The following PMEL variants were observed in gnomAD, a reference collection of about 807,000 sequenced individuals.
PMEL encodes the protein melanocyte protein PMEL.
PMEL carries 53 observed loss-of-function variants against 64.9 expected under a neutral mutation model. That is an observed-to-expected ratio of 0.82 (90% CI 0.66 to 1.03). The LOEUF is 1.03. PMEL is among the 50% of genes least tolerant of loss of function. The pLI, the probability that PMEL is intolerant of heterozygous loss-of-function variation, is 0.00. For synonymous variants in PMEL, 299 were observed against 316.2 expected, an observed-to-expected ratio of 0.95 and a Z score of 0.58; for missense variants, 716 against 814.9, an observed-to-expected ratio of 0.88 and a Z score of 1.48.
intron 3 of PMEL, among the ~76,000 whole-genome samples, chr12:55,958,857 C>G (rs1455792302): frequency 6.6e-6 from 1 of 152,020 alleles, no homozygotes; most frequent in Admixed American, 6.5e-5. Flanking sequence ...TCACAGCTCA[C>G]TGGAGTGTCA....
rs754662000 is a variant in PMEL at position 55,959,445 on chromosome 12, G to GTA, written c.335-840_335-839dup. On this transcript the variant is annotated intron_variant, in intron 3 of 10. Coordinates refer to ENST00000548747, the MANE Select transcript of PMEL (RefSeq NM_001384361.1). ...AAAATAAAAGAAAAAGAAGATATATGTATATATATATAGCCACATATCAAA... is the reference window on the plus strand; with the variant it reads ...AAAATAAAAGAAAAAGAAGATATATGTATATATATATATAGCCACATATCAAA... Among the ~76,000 whole-genome samples, 170 of 150,798 alleles carry GTA rather than the reference G, an allele frequency of 1.1e-3. 3 individuals are homozygous for GTA. Among genetic ancestry groups the GTA allele is most frequent in the East Asian group, 8.5e-3 (44 of 5,152 alleles).
chr12:55,957,424 C>A lies in PMEL; in HGVS notation c.879G>T (p.Gln293His), dbSNP rs1360387673. The A allele has an allele frequency of 1.2e-6, 2 of 1,609,702 alleles. No individual in the cohort carries two copies. Among genetic ancestry groups the A allele is most frequent in the African/African-American group, 2.7e-5 (2 of 74,928 alleles). Residue 293 changes from glutamine to histidine, a missense_variant, in exon 6 of 11, where the codon CAG becomes CAT. By Grantham distance (24) the Gln-to-His change is conservative. Coordinates refer to ENST00000548747, the MANE Select transcript of PMEL (RefSeq NM_001384361.1). ...CACAGGAGGTGAGAGGAATGGCAGC[C>A]TGCAGGACCACCTGGGCAGTGACTG... The part of the protein sequence containing the change: ...PGPVTAQVVL[Q>H]AAIPLTSCGS...
chr12:55,957,103 C>T lies in PMEL; in HGVS notation c.1200G>A (p.Met400Ile). 6.2e-7 allele frequency: 1 copy of T among 1,614,192 alleles called. No homozygotes were observed. Among genetic ancestry groups the T allele is most frequent in the Non-Finnish European group, 8.5e-7 (1 of 1,180,012 alleles). ...CCACAATTGATACCTCTGCAGGTGT[C>T]ATACCTGTAGCCTCTGGAGTTGACA... ...AEMSTPEATG[M>I]TPAEVSIVVL... Residue 400 changes from methionine (M) to isoleucine (I), a missense_variant, in exon 6 of 11, where the codon ATG becomes ATA. Transcript: ENST00000548747.
intron 6 of PMEL, 143 bp from the exon 7 acceptor site, chr12:55,956,362 C>A (rs1267834441): frequency 3.3e-6 from 2 of 614,178 alleles, no homozygotes; most frequent in African/African-American, 1.8e-5. Context: ...ACCTGGGAAA[C>A]CTTATTCTAT....
chr12:55,966,683 G>A (rs1889314497), upstream of PMEL: 3 of 1,092,268 alleles, frequency 2.7e-6, no homozygotes, highest in African/African-American at 1.7e-5. Flanking sequence ...CTTGCCTGGG[G>A]CGGGATCATT....
At chr12:55,955,132 A>G in intron 10 of PMEL, 142 bp downstream of exon 10, 1 of 737,506 alleles carries the variant, frequency 1.4e-6, no homozygotes, top group Non-Finnish European at 2.5e-6. Context: ...CTGCAACCCA[A>G]GTCTGTCTAA....
At chr12:55,955,720 G>A in intron 8 of PMEL, 51 bp from the exon 9 acceptor site, 1 of 1,606,872 alleles carries the variant, frequency 6.2e-7, no homozygotes, top group Non-Finnish European at 8.5e-7. Context: ...GACACTAAAT[G>A]CCAGAGAGCG....
At chr12:55,956,915 C>A in intron 6 of PMEL, 34 bp downstream of exon 6, 4 of 1,598,912 alleles carry the variant, frequency 2.5e-6, no homozygotes, top group Non-Finnish European at 3.4e-6. Flanking sequence ...GGGTACCCCA[C>A]CTCCGTGAAC....
At chr12:55,956,431 G>A (rs549894901) in intron 6 of PMEL, 6 of 512,534 alleles carry the variant, frequency 1.2e-5, no homozygotes, top group Middle Eastern at 5.2e-4. Flanking sequence ...ACAGTTAGGG[G>A]TGGCATTGGA....
At chr12:55,965,815 A>G (rs1351858608) in intron 1 of PMEL, 121 bp downstream of exon 1, 6 of 1,260,364 alleles carry the variant, frequency 4.8e-6, no homozygotes, top group Non-Finnish European at 6.9e-6. Context: ...TCCTCACTAA[A>G]TCAAATGAGT....
chr12:55,962,584 C>A (rs771648016), intron 1 of PMEL, among the ~76,000 whole-genome samples: 1 of 116,190 alleles, frequency 8.6e-6, no homozygotes, highest in Non-Finnish European at 1.6e-5. Flanking sequence ...AATGCAGTGG[C>A]GTGATCTTGG....
At chr12:55,958,345 C>A (rs1888975660) in intron 4 of PMEL, 128 bp downstream of exon 4, 1 of 1,008,968 alleles carries the variant, frequency 9.9e-7, no homozygotes, top group South Asian at 1.6e-5. Context: ...GAGAAAAGAT[C>A]TAAGAGGAAA....
intron 1 of PMEL, among the ~76,000 whole-genome samples, chr12:55,962,448 CAAAAAAAA>C (rs1197796228): frequency 0.083 from 3,107 of 37,614 alleles, 149 homozygotes; most frequent in African/African-American, 0.23. Flanking sequence ...GACTCCATCT[CAAAAAAAA>C]AAAAAAAAAA....
At chr12:55,957,860 C>A (rs1451727928) in intron 5 of PMEL, 63 bp downstream of exon 5, 12 of 1,588,724 alleles carry the variant, frequency 7.6e-6, no homozygotes, top group Middle Eastern at 3.4e-4. Context: ...CCTTTCCAGT[C>A]CATCCAAGCC....
At chr12:55,955,404 G>A (rs758259927) in intron 9 of PMEL, 43 bp from the exon 10 acceptor site, 3 of 1,612,488 alleles carry the variant, frequency 1.9e-6, no homozygotes, top group East Asian at 2.2e-5. Context: ...AGTGTCTGCT[G>A]CTTGCCAGCT....
upstream of PMEL, chr12:55,966,229 G>T: frequency 1.5e-6 from 1 of 682,882 alleles, no homozygotes; most frequent in Non-Finnish European, 2.4e-6. Context: ...GTTTCACTGG[G>T]TCACTCTCAT....
Position 55,955,661 on chromosome 12 carries a change from T to C in PMEL, c.1565A>G (p.Lys522Arg). 2.5e-6 allele frequency: 4 copies of C among 1,612,512 alleles called. No individual in the cohort carries two copies. Among genetic ancestry groups the C allele is most frequent in the Non-Finnish European group, 3.4e-6 (4 of 1,178,974 alleles). ...CGATGAGATCTCCATGCAGGCTTCCTTGGGCAGCCTGGAAGAAGTGTCAGC... is the reference window on the plus strand; with the variant it reads ...CGATGAGATCTCCATGCAGGCTTCCCTGGGCAGCCTGGAAGAAGTGTCAGC... The part of the protein sequence containing the change: ...LTVSCQGGLP[K>R]EACMEISSPG... Residue 522 changes from lysine (K) to arginine (R), a missense_variant, in exon 9 of 11, where the codon AAG (lysine) becomes AGG (arginine). Physicochemically the swap from Lys to Arg is conservative, Grantham distance 26. Coordinates refer to ENST00000548747, the MANE Select transcript of PMEL (RefSeq NM_001384361.1).
chr12:55,964,907 G>A (rs539127129), intron 1 of PMEL, among the ~76,000 whole-genome samples: 34 of 148,738 alleles, frequency 2.3e-4, no homozygotes, highest in Non-Finnish European at 4.0e-4. Flanking sequence ...ATGAGTTACT[G>A]TGCCGGGCCT....
chr12:55,960,573 C>T (rs1190688583), intron 3 of PMEL, among the ~76,000 whole-genome samples: 2 of 122,842 alleles, frequency 1.6e-5, no homozygotes, highest in Non-Finnish European at 3.2e-5. Context: ...AATGGAGTCT[C>T]GCTCTGTCGC....
Sources: gnomAD v4.1 joint callset for allele counts (sites outside exome capture counted in the v4.1 genomes callset) on GRCh38, gnomAD v4.1.1 for gene constraint, MANE v1.5 for transcripts, NCBI Gene and HGNC (gene_info 2026-07-23, HGNC 2026-07-21) for gene names.